TGM4: variants seen among roughly 807,000 people sequenced by gnomAD.
The protein encoded by TGM4 is protein-glutamine gamma-glutamyltransferase 4.
TGM4 carries 61 observed loss-of-function variants against 76.3 expected under a neutral mutation model. The observed-to-expected ratio is 0.80, with a 90% CI of 0.65 to 0.99. TGM4 has a LOEUF of 0.99. Among genes scored for constraint, TGM4 ranks in the 50% least tolerant of loss-of-function variants. The pLI, the probability that TGM4 is intolerant of heterozygous loss-of-function variation, is 0.00. For synonymous variants in TGM4, 337 were observed against 329.8 expected (o/e 1.02, Z -0.24); for missense variants, 794 against 843.2 (o/e 0.94, Z 0.72).
In TGM4 at chr3:44,913,711, C is replaced by T. The variant is rs745972847; in HGVS notation, c.2041C>T (p.Leu681Phe). The T allele has an allele frequency of 6.2e-7, 1 of 1,613,508 alleles. No homozygotes were observed. The highest frequency in any genetic ancestry group is 8.5e-7 in the Non-Finnish European group (1 of 1,179,808). The change falls in exon 14 of 14, where the codon CTC becomes TTC. Residue 681 changes from leucine to phenylalanine, a missense_variant. Leu to Phe is a conservative substitution (Grantham distance 22, BLOSUM62 0). Coordinates refer to ENST00000296125, the MANE Select transcript of TGM4 (RefSeq NM_003241.4). ...VKEINAQKIV[L>F]ITK Reference sequence around the variant, plus strand: ...AGAGATTAATGCTCAGAAGATTGTTCTCATCACCAAGTAGCCTTGTCTGAT... The same window carrying T: ...AGAGATTAATGCTCAGAAGATTGTTTTCATCACCAAGTAGCCTTGTCTGAT...
intron 5 of TGM4, among the ~76,000 whole-genome samples, chr3:44,895,091 C>G (rs1289381163): frequency 4.6e-5 from 7 of 151,488 alleles, no homozygotes; most frequent in Admixed American, 3.9e-4. Flanking sequence ...GCCCGGAGAT[C>G]GAGATCATCC....
intron 5 of TGM4, among the ~76,000 whole-genome samples, chr3:44,894,653 C>T (rs945957059): frequency 4.0e-5 from 6 of 151,388 alleles, no homozygotes; most frequent in Admixed American, 6.6e-5. Flanking sequence ...CTCCCCTCCC[C>T]CAAGATTTGA....
chr3:44,880,887 G>C (rs751927559), intron 1 of TGM4, among the ~76,000 whole-genome samples: 2 of 152,104 alleles, frequency 1.3e-5, no homozygotes, highest in Non-Finnish European at 2.9e-5. Context: ...TCATATTCTG[G>C]AATTGGTCAG....
chr3:44,893,241 C>T (rs903171107), intron 4 of TGM4, among the ~76,000 whole-genome samples: 2 of 152,140 alleles, frequency 1.3e-5, no homozygotes, highest in Non-Finnish European at 2.9e-5. Context: ...CCTGGCATTT[C>T]CTGTAGGCAG....
intron 10 of TGM4, 57 bp from the exon 11 acceptor site, chr3:44,910,033 G>A: frequency 1.3e-6 from 2 of 1,570,726 alleles, no homozygotes; most frequent in Non-Finnish European, 1.7e-6. Context: ...ACGGGTGGTT[G>A]GGACATTTGG....
intron 9 of TGM4, among the ~76,000 whole-genome samples, chr3:44,906,254 C>A (rs1303494001): frequency 6.6e-6 from 1 of 152,090 alleles, no homozygotes; most frequent in East Asian, 1.9e-4. Flanking sequence ...GCCCAATGCC[C>A]AGAATACAAG....
intron 1 of TGM4, among the ~76,000 whole-genome samples, chr3:44,883,945 C>T (rs1398301868): frequency 1.3e-5 from 2 of 152,106 alleles, no homozygotes; most frequent in Non-Finnish European, 2.9e-5. Flanking sequence ...GAGGAAGGTC[C>T]CTGCATCTCA....
At chr3:44,906,539 C>T (rs1382786226) in intron 9 of TGM4, among the ~76,000 whole-genome samples, 3 of 152,142 alleles carry the variant, frequency 2.0e-5, no homozygotes, top group Non-Finnish European at 4.4e-5. Flanking sequence ...TCGCAATAGC[C>T]TTAGAAGGTA....
chr3:44,900,961 G>C (rs1046989830), intron 6 of TGM4: 3 of 154,574 alleles, frequency 1.9e-5, no homozygotes, highest in Non-Finnish European at 4.3e-5. Context: ...TAAAGGGACC[G>C]GGCATAGTGA....
chr3:44,886,596 T>C (rs1429901596), intron 2 of TGM4, among the ~76,000 whole-genome samples: 1 of 152,216 alleles, frequency 6.6e-6, no homozygotes, highest in African/African-American at 2.4e-5. Flanking sequence ...AGTGACTTTA[T>C]AGTACCCCTG....
In TGM4 at chr3:44,896,787, G is replaced by A. The variant is rs777419548; in HGVS notation, c.628G>A (p.Val210Met). The change falls in exon 6 of 14, where the codon GTG (valine) becomes ATG (methionine). Residue 210 changes from valine (V) to methionine (M), a missense_variant. Val to Met is a conservative substitution (Grantham distance 21, BLOSUM62 1). Coordinates refer to ENST00000296125, the MANE Select transcript of TGM4 (RefSeq NM_003241.4). Reference protein sequence around the residue: ...SLKPTDRRDPVLVCRAMCAMM... With the variant: ...SLKPTDRRDPMLVCRAMCAMM... ...CAAGCCCACAGATAGGAGGGACCCCGTGCTGGTGTGCAGGGCCATGTGTGC... is the reference window on the plus strand; with the variant it reads ...CAAGCCCACAGATAGGAGGGACCCCATGCTGGTGTGCAGGGCCATGTGTGC... The A allele has an allele frequency of 8.7e-6, 14 of 1,614,014 alleles. No homozygotes were observed. Among genetic ancestry groups the A allele is most frequent in the Middle Eastern group, 3.3e-4 (2 of 6,084 alleles).
intron 6 of TGM4, among the ~76,000 whole-genome samples, chr3:44,898,295 AAAAG>A (rs1276273713): frequency 2.0e-5 from 3 of 151,884 alleles, no homozygotes; most frequent in South Asian, 2.1e-4. Flanking sequence ...AAAAAAAAAA[AAAAG>A]AAGCGGGGCG....
In TGM4 at chr3:44,913,683, G is replaced by C; in HGVS notation, c.2013G>C (p.Val671=). 6.2e-7 allele frequency: 1 copy of C among 1,614,228 alleles called. No individual in the cohort carries two copies. The highest frequency in any genetic ancestry group is 8.5e-7 in the Non-Finnish European group (1 of 1,180,044). Residue 671 remains valine (V), a synonymous_variant, in exon 14 of 14, where the codon GTG becomes GTC. Transcript: ENST00000296125. The part of the protein sequence containing the change: ...KFIVKLSSKQ[V]KEINAQKIVL... ...TCGTCAAGTTAAGTTCCAAACAAGT[G>C]AAAGAGATTAATGCTCAGAAGATTG...
chr3:44,889,322 C>T (rs576216597), intron 3 of TGM4, among the ~76,000 whole-genome samples: 14 of 152,186 alleles, frequency 9.2e-5, no homozygotes, highest in Admixed American at 1.3e-4. Flanking sequence ...CTTCTGCCAT[C>T]GCCAGCACCA....
At chr3:44,900,399 G>A (rs1699837428) in intron 6 of TGM4, among the ~76,000 whole-genome samples, 3 of 152,316 alleles carry the variant, frequency 2.0e-5, no homozygotes, top group South Asian at 4.1e-4. Context: ...TGATTTTGAT[G>A]AATGAAGAGG....
At chr3:44,879,539 C>T (rs1471717333) in intron 1 of TGM4, among the ~76,000 whole-genome samples, 1 of 148,510 alleles carries the variant, frequency 6.7e-6, no homozygotes, top group Non-Finnish European at 1.5e-5. Context: ...GTGGCGCAAT[C>T]TCGGCTCACT....
rs765579890 is a variant in TGM4, at chr3:44,901,650, G to A, written c.784G>A (p.Ala262Thr). 2 of 1,614,084 alleles carry A rather than the reference G, an allele frequency of 1.2e-6. No individual in the cohort carries two copies. The highest frequency in any genetic ancestry group is 3.3e-5 in the Admixed American group (2 of 60,012). ...GCAGCAGTACTACAACACGAAGCAG[G>A]CTGTGTGCTTTGGCCAGTGCTGGGT... ...ILQQYYNTKQ[A>T]VCFGQCWVFA... Residue 262 changes from alanine (A) to threonine (T), a missense_variant, in exon 7 of 14, where the codon GCT becomes ACT. Ala to Thr is a moderately conservative substitution (Grantham distance 58). Transcript: ENST00000296125.
intron 11 of TGM4, 43 bp downstream of exon 11, chr3:44,910,411 G>C (rs1699987910): frequency 2.5e-6 from 4 of 1,586,454 alleles, no homozygotes; most frequent in Admixed American, 3.6e-5. Flanking sequence ...TGGGCTCAGG[G>C]TCCCACAATC....
chr3:44,893,819 T>C, intron 5 of TGM4, 124 bp downstream of exon 5: 1 of 893,050 alleles, frequency 1.1e-6, no homozygotes, highest in Non-Finnish European at 1.8e-6. Flanking sequence ...GCCAGCCTCA[T>C]ACATGTAAAA....
Sources: allele counts gnomAD v4.1 joint callset (sites outside exome capture counted in the v4.1 genomes callset), GRCh38; gene constraint gnomAD v4.1.1; transcripts MANE v1.5; gene names NCBI Gene and HGNC (gene_info 2026-07-23, HGNC 2026-07-21).